CSMD1: variants seen among roughly 807,000 people sequenced by gnomAD.
CSMD1 encodes CUB and sushi domain-containing protein 1.
In CSMD1, 213 loss-of-function variants were observed where a neutral mutation model predicts 417.5. That is an observed-to-expected ratio of 0.51 (90% CI 0.46 to 0.57). The LOEUF is 0.57. Ranked by LOEUF, CSMD1 falls within the 20% of genes least tolerant of loss-of-function variation. CSMD1 has a pLI of 0.00. For synonymous variants in CSMD1, 2,862 were observed against 1,736.8 expected (o/e 1.65, Z -16.11); for missense variants, 6,923 against 4,529.7 (o/e 1.53, Z -15.17).
At position 4,339,758 on chromosome 8, in the gene CSMD1, T is replaced by TTACA. The variant is rs1374452060; in HGVS notation, c.415+80191_415+80194dup. Among the ~76,000 whole-genome samples, 4 of 152,200 alleles carry TTACA rather than the reference T, an allele frequency of 2.6e-5. No homozygotes were observed. The East Asian group carries it at 7.7e-4, about 29-fold the overall frequency. On this transcript the variant is annotated intron_variant, in intron 3 of 69. Transcript: ENST00000635120. ...AGTAGAAAAAGCTGAGTGCAGGGGC[T>TTACA]TACACCAAAAATCCTAATGCTTTGG...
intron 5 of CSMD1, among the ~76,000 whole-genome samples, chr8:3,813,595 TA>T (rs1012913726): frequency 2.5e-4 from 38 of 152,288 alleles, no homozygotes; most frequent in African/African-American, 9.1e-4. Flanking sequence ...TAAGATATTT[TA>T]AAAAGAAATT....
At chr8:4,366,407 T>C (rs984313634) in intron 3 of CSMD1, among the ~76,000 whole-genome samples, 2 of 152,154 alleles carry the variant, frequency 1.3e-5, no homozygotes, top group African/African-American at 2.4e-5. Context: ...GCACGTGTCT[T>C]TTTGACAGAA....
chr8:3,804,299 A>C (rs566700988), intron 5 of CSMD1, among the ~76,000 whole-genome samples: 159 of 152,128 alleles, frequency 1.0e-3, no homozygotes, highest in South Asian at 9.6e-3. Flanking sequence ...AAAATAAATA[A>C]TTTTTTTTGT....
chr8:4,535,517 G>A (rs1488911505), intron 2 of CSMD1, among the ~76,000 whole-genome samples: 1 of 151,890 alleles, frequency 6.6e-6, no homozygotes, highest in African/African-American at 2.4e-5. Context: ...TCATTCTTTC[G>A]ATGTTCAAAT....
chr8:4,634,941 C>T (rs1802735502), intron 2 of CSMD1, among the ~76,000 whole-genome samples: 1 of 152,074 alleles, frequency 6.6e-6, no homozygotes, highest in Admixed American at 6.6e-5. Flanking sequence ...TAAACGGTTC[C>T]CAAAGAAATC....
intron 2 of CSMD1, among the ~76,000 whole-genome samples, chr8:4,432,413 T>C (rs1034557499): frequency 6.6e-6 from 1 of 152,180 alleles, no homozygotes; most frequent in Non-Finnish European, 1.5e-5. Context: ...GTTATGTTGA[T>C]TTCCTAGATT....
intron 41 of CSMD1, among the ~76,000 whole-genome samples, chr8:3,136,626 A>G (rs1047706659): frequency 1.3e-5 from 2 of 152,046 alleles, no homozygotes; most frequent in Non-Finnish European, 2.9e-5. Context: ...GAAGAACACC[A>G]CTGCCATTGA....
At chr8:3,580,977 C>T (rs78453392) in intron 9 of CSMD1, among the ~76,000 whole-genome samples, 2 of 152,090 alleles carry the variant, frequency 1.3e-5, no homozygotes, top group African/African-American at 4.8e-5. Flanking sequence ...AACTTTATTC[C>T]CTGACTCTGC....
At chr8:4,911,015 C>G (rs530730437) in intron 1 of CSMD1, among the ~76,000 whole-genome samples, 4 of 152,198 alleles carry the variant, frequency 2.6e-5, no homozygotes, top group Non-Finnish European at 5.9e-5. Context: ...CAAAAACTCT[C>G]TCTTTGCCTG....
chr8:4,988,460 A>G (rs1563940269), intron 1 of CSMD1, among the ~76,000 whole-genome samples: 1 of 152,244 alleles, frequency 6.6e-6, no homozygotes, highest in South Asian at 2.1e-4. Context: ...ATATGCCTGC[A>G]TGATCTTTTT....
chr8:2,942,312 G>C (rs537766539), intron 69 of CSMD1, among the ~76,000 whole-genome samples, 160 bp downstream of exon 69: 44 of 151,434 alleles, frequency 2.9e-4, no homozygotes, highest in African/African-American at 1.1e-3. Flanking sequence ...TCCGGCACGT[G>C]TACCCCGGAA....
At chr8:3,481,398 GATA>G (rs1485128694) in intron 11 of CSMD1, among the ~76,000 whole-genome samples, 1 of 152,078 alleles carries the variant, frequency 6.6e-6, no homozygotes, top group Non-Finnish European at 1.5e-5. Context: ...TGGTACTTCA[GATA>G]ATAATTTCAA....
At position 4,427,363 on chromosome 8, in the gene CSMD1, G is replaced by C. The variant is rs77654604; in HGVS notation, c.303-7298C>G. 4.1e-3 allele frequency among the ~76,000 whole-genome samples: 624 copies of C among 152,204 alleles called. 6 individuals are homozygous for C. Among genetic ancestry groups the C allele is most frequent in the African/African-American group, 0.015 (611 of 41,528 alleles). On this transcript the variant is annotated intron_variant, in intron 2 of 69. Coordinates refer to ENST00000635120, the MANE Select transcript of CSMD1 (RefSeq NM_033225.6). ...AAACTGTGTCAGGACACGGCAGAGG[G>C]TGATCTGGAACCAGGTGCTTTATCA...
chr8:3,068,513 G>T (rs1383329993), intron 49 of CSMD1, among the ~76,000 whole-genome samples: 1 of 152,174 alleles, frequency 6.6e-6, no homozygotes, highest in Non-Finnish European at 1.5e-5. Flanking sequence ...TTCTCGCATT[G>T]CTATAAAGAA....
intron 5 of CSMD1, among the ~76,000 whole-genome samples, chr8:3,852,227 G>A (rs1803960126): frequency 1.3e-5 from 2 of 152,190 alleles, no homozygotes; most frequent in Admixed American, 6.5e-5. Context: ...GGAGGCGCAG[G>A]AACATGCACC....
At chr8:3,318,999 A>C (rs1805969268) in intron 23 of CSMD1, among the ~76,000 whole-genome samples, 1 of 152,194 alleles carries the variant, frequency 6.6e-6, no homozygotes, top group African/African-American at 2.4e-5. Context: ...GAAACACAAC[A>C]ACACAGATTC....
intron 40 of CSMD1, among the ~76,000 whole-genome samples, chr8:3,144,064 G>C (rs1476015432): frequency 1.3e-5 from 2 of 152,198 alleles, no homozygotes; most frequent in Non-Finnish European, 2.9e-5. Context: ...TGCCCTGCTT[G>C]GTGGGCATCA....
chr8:3,359,170 G>A lies in CSMD1; in HGVS notation c.3286C>T (p.Pro1096Ser), dbSNP rs1314310648. 2 of 1,613,986 alleles carry A rather than the reference G, an allele frequency of 1.2e-6. No individual in the cohort carries two copies. Among genetic ancestry groups the A allele is most frequent in the Non-Finnish European group, 1.7e-6 (2 of 1,179,966 alleles). The part of the protein sequence containing the change: ...LGGGRRVWSA[P>S]LPRCVAECGA... Reference sequence around the variant, plus strand: ...CACCTACCCACACACCTTGGCAGAGGTGCACTCCACACACGGCGGCCCCCA... The same window carrying A: ...CACCTACCCACACACCTTGGCAGAGATGCACTCCACACACGGCGGCCCCCA... The change falls in exon 21 of 70, where the codon CCT (proline) becomes TCT (serine). Residue 1096 changes from proline to serine, a missense_variant. Transcript: ENST00000635120.
At chr8:3,104,596 T>A (rs1049019608) in intron 46 of CSMD1, among the ~76,000 whole-genome samples, 14 of 152,158 alleles carry the variant, frequency 9.2e-5, no homozygotes, top group Non-Finnish European at 1.2e-4. Context: ...TTCCAAAATG[T>A]ATGCCAATTT....
Sources: allele counts gnomAD v4.1 joint callset (sites outside exome capture counted in the v4.1 genomes callset), GRCh38; gene constraint gnomAD v4.1.1; transcripts MANE v1.5; gene names NCBI Gene and HGNC (gene_info 2026-07-23, HGNC 2026-07-21).